The following APP variants were observed in gnomAD, a reference collection of about 807,000 sequenced individuals.
APP encodes the protein amyloid beta precursor protein.
In APP, 31 loss-of-function variants were observed where a neutral mutation model predicts 101.4. The ratio of observed to expected loss-of-function variants is 0.31; its 90% CI spans 0.23 to 0.41. The LOEUF is 0.41. Among genes scored for constraint, APP ranks in the 10% least tolerant of loss-of-function variants. The pLI, the probability that APP is intolerant of heterozygous loss-of-function variation, is 1.00. For synonymous variants in APP, 366 were observed against 364.4 expected (o/e 1.00, Z -0.05); for missense variants, 839 against 1,003.7 (o/e 0.84, Z 2.22).
intron 13 of APP, among the ~76,000 whole-genome samples, chr21:25,925,507 T>C (rs1382687824): frequency 6.6e-6 from 1 of 152,106 alleles, no homozygotes; most frequent in African/African-American, 2.4e-5. Flanking sequence ...AATCTGCATG[T>C]TAATGTGATC....
intron 15 of APP, 57 bp downstream of exon 15, chr21:25,904,967 G>T: frequency 6.8e-7 from 1 of 1,461,520 alleles, no homozygotes; most frequent in Non-Finnish European, 9.6e-7. Flanking sequence ...AGGAGACAAC[G>T]TCTGCTCGAG....
At chr21:26,028,044 A>G (rs2044658424) in intron 5 of APP, among the ~76,000 whole-genome samples, 1 of 151,960 alleles carries the variant, frequency 6.6e-6, no homozygotes, top group Non-Finnish European at 1.5e-5. Flanking sequence ...AAAATACAAA[A>G]AATTAGCTGG....
chr21:25,914,269 G>A (rs1158089996), intron 13 of APP, among the ~76,000 whole-genome samples: 1 of 151,712 alleles, frequency 6.6e-6, no homozygotes, highest in African/African-American at 2.4e-5. Context: ...CCGCCCCTAG[G>A]AATATGATTA....
At chr21:25,937,325 G>A (rs999490312) in intron 13 of APP, among the ~76,000 whole-genome samples, 8 of 152,318 alleles carry the variant, frequency 5.3e-5, no homozygotes, top group Non-Finnish European at 1.2e-4. Flanking sequence ...TCCTACTGCA[G>A]AATAGAGTGA....
At chr21:26,057,718 G>A (rs1436113852) in intron 3 of APP, among the ~76,000 whole-genome samples, 3 of 152,152 alleles carry the variant, frequency 2.0e-5, no homozygotes, top group African/African-American at 7.2e-5. Context: ...CTTGCCCACA[G>A]AGCCAACTGG....
chr21:26,054,344 C>A (rs1347991493), intron 3 of APP, among the ~76,000 whole-genome samples: 2 of 152,184 alleles, frequency 1.3e-5, no homozygotes, highest in Non-Finnish European at 2.9e-5. Flanking sequence ...CAATTCCTGG[C>A]CTAGTTCTGT....
chr21:25,920,975 G>A (rs1418606422), intron 13 of APP, among the ~76,000 whole-genome samples: 3 of 146,164 alleles, frequency 2.1e-5, no homozygotes, highest in African/African-American at 7.9e-5. Flanking sequence ...CACATAGTTG[G>A]AAGTAAAACT....
intron 3 of APP, among the ~76,000 whole-genome samples, chr21:26,058,694 G>C (rs2046139482): frequency 6.6e-6 from 1 of 152,170 alleles, no homozygotes; most frequent in Non-Finnish European, 1.5e-5. Context: ...CCAGCTACTT[G>C]GGAGGCTGTG....
At chr21:25,903,368 C>CAAAAAA (rs937462787) in intron 15 of APP, among the ~76,000 whole-genome samples, 1 of 68,574 alleles carries the variant, frequency 1.5e-5, no homozygotes. Context: ...GACTCCATCT[C>CAAAAAA]AAAAAAAAAA....
chr21:25,896,064 C>T (rs1002385149), intron 16 of APP, among the ~76,000 whole-genome samples: 2 of 152,126 alleles, frequency 1.3e-5, no homozygotes, highest in African/African-American at 2.4e-5. Context: ...GTACATTAAT[C>T]GTCAGCTTTC....
intron 8 of APP, among the ~76,000 whole-genome samples, chr21:25,996,381 G>T (rs1738239306): frequency 6.9e-6 from 1 of 145,598 alleles, no homozygotes; most frequent in African/African-American, 2.6e-5. Flanking sequence ...ATTGAAATCT[G>T]CGTGTACGAA....
intron 8 of APP, among the ~76,000 whole-genome samples, chr21:25,986,508 T>C (rs919320262): frequency 2.0e-5 from 3 of 151,986 alleles, no homozygotes; most frequent in Admixed American, 6.6e-5. Flanking sequence ...CTGATCAACA[T>C]GGAGAAACCC....
intron 8 of APP, among the ~76,000 whole-genome samples, chr21:25,995,875 A>G (rs1030072968): frequency 1.3e-5 from 2 of 152,134 alleles, no homozygotes; most frequent in Non-Finnish European, 2.9e-5. Context: ...TTTTTAAAAT[A>G]CCTAATCCTT....
chr21:26,073,875 A>ACATACTGAACATGAGCCTATT (rs2061452918), intron 3 of APP, among the ~76,000 whole-genome samples: 1 of 152,214 alleles, frequency 6.6e-6, no homozygotes, highest in Non-Finnish European at 1.5e-5. Flanking sequence ...TAACTTCTTG[A>ACATACTGAACATGAGCCTATT]CATACTGAAC....
At chr21:26,165,151 G>A (rs926747812) in intron 1 of APP, among the ~76,000 whole-genome samples, 5 of 152,142 alleles carry the variant, frequency 3.3e-5, no homozygotes, top group Non-Finnish European at 7.3e-5. Flanking sequence ...TCCTGCAATA[G>A]TCTTAATTGG....
At chr21:25,999,441 G>A (rs1453865600) in intron 7 of APP, among the ~76,000 whole-genome samples, 1 of 152,186 alleles carries the variant, frequency 6.6e-6, no homozygotes, top group African/African-American at 2.4e-5. Context: ...GAGGGGGCAA[G>A]ACGGGCACTT....
At chr21:26,124,922 T>C (rs1438296490) in intron 1 of APP, among the ~76,000 whole-genome samples, 2 of 152,240 alleles carry the variant, frequency 1.3e-5, no homozygotes, top group African/African-American at 2.4e-5. Flanking sequence ...CTGACCTTGA[T>C]GGACAGATAA....
At chr21:25,969,704 T>C (rs1321448898) in intron 11 of APP, among the ~76,000 whole-genome samples, 1 of 151,460 alleles carries the variant, frequency 6.6e-6, no homozygotes, top group East Asian at 2.0e-4. Flanking sequence ...TAGCCACACA[T>C]GGTGGAGCTT....
chr21:25,946,432 G>A (rs1030150577), intron 13 of APP, among the ~76,000 whole-genome samples: 9 of 152,172 alleles, frequency 5.9e-5, no homozygotes, highest in South Asian at 2.1e-4. Flanking sequence ...TTGGAAGGCC[G>A]AGGTGGGCAG....
Sources: gnomAD v4.1 joint callset for allele counts (sites outside exome capture counted in the v4.1 genomes callset) on GRCh38, gnomAD v4.1.1 for gene constraint, MANE v1.5 for transcripts, NCBI Gene and HGNC (gene_info 2026-07-23, HGNC 2026-07-21) for gene names.